GRM1: variants seen among roughly 807,000 people sequenced by gnomAD.
GRM1 encodes the protein glutamate metabotropic receptor 1.
GRM1 carries 33 observed loss-of-function variants against 90.9 expected under a neutral mutation model. That is an observed-to-expected ratio of 0.36 (90% confidence interval 0.28 to 0.49). GRM1 has a LOEUF of 0.49. GRM1 is among the 20% of genes least tolerant of loss of function. The probability of loss-of-function intolerance (pLI) is 0.99; values close to 1 mark genes in which losing one functional copy is unlikely to be tolerated. For missense variants in GRM1, 1,190 were observed against 1,534.3 expected, an observed-to-expected ratio of 0.78 and a Z score of 3.75; for synonymous variants, 700 against 613.2, an observed-to-expected ratio of 1.14 and a Z score of -2.09.
At chr6:146,424,195 G>C (rs1778112391) in intron 7 of GRM1, among the ~76,000 whole-genome samples, 1 of 152,244 alleles carries the variant, frequency 6.6e-6, no homozygotes, top group Admixed American at 6.5e-5. Context: ...TAAAGGATGT[G>C]CAAGAGGCTT....
chr6:146,395,138 T>C (rs1263655907), intron 6 of GRM1, among the ~76,000 whole-genome samples: 6 of 152,116 alleles, frequency 3.9e-5, no homozygotes, highest in African/African-American at 1.4e-4. Context: ...GACCTTTTAG[T>C]TGGTTTACTG....
chr6:146,155,374 T>G (rs1562497210), intron 1 of GRM1, among the ~76,000 whole-genome samples: 1 of 152,214 alleles, frequency 6.6e-6, no homozygotes, highest in Non-Finnish European at 1.5e-5. Flanking sequence ...GTTTGTAGCC[T>G]AGAAGCAATA....
chr6:146,324,639 A>G (rs1784336649), intron 3 of GRM1, among the ~76,000 whole-genome samples: 1 of 151,984 alleles, frequency 6.6e-6, no homozygotes, highest in Non-Finnish European at 1.5e-5. Context: ...ACCATCCCTC[A>G]GGGTACCATC....
At chr6:146,322,400 C>T (rs1297806071) in intron 3 of GRM1, among the ~76,000 whole-genome samples, 1 of 152,092 alleles carries the variant, frequency 6.6e-6, no homozygotes, top group Non-Finnish European at 1.5e-5. Flanking sequence ...GGCAGTCTGT[C>T]CCTTAGCAGA....
intron 2 of GRM1, among the ~76,000 whole-genome samples, chr6:146,238,812 G>A (rs1188541743): frequency 1.3e-5 from 2 of 151,984 alleles, no homozygotes; most frequent in Non-Finnish European, 2.9e-5. Context: ...CAGGAAATAT[G>A]CATTTAACAC....
chr6:146,114,719 A>G (rs1452102790), intron 1 of GRM1, among the ~76,000 whole-genome samples: 1 of 152,186 alleles, frequency 6.6e-6, no homozygotes, highest in Non-Finnish European at 1.5e-5. Context: ...TATTAAAATT[A>G]TAATATTAGT....
intron 2 of GRM1, among the ~76,000 whole-genome samples, chr6:146,251,736 T>A (rs1402074943): frequency 1.3e-5 from 2 of 152,224 alleles, no homozygotes; most frequent in Admixed American, 6.5e-5. Context: ...CCTTATTTAC[T>A]TCTGTCCCTT....
intron 2 of GRM1, among the ~76,000 whole-genome samples, chr6:146,165,030 TAGG>T (rs2128892835): frequency 6.6e-6 from 1 of 152,182 alleles, no homozygotes; most frequent in Non-Finnish European, 1.5e-5. Flanking sequence ...TCTCACTCAT[TAGG>T]CCAACTTTCT....
intron 7 of GRM1, among the ~76,000 whole-genome samples, chr6:146,424,189 G>A (rs58232356): frequency 0.029 from 4,358 of 152,322 alleles, 189 homozygotes; most frequent in African/African-American, 0.097. Context: ...TCTGGATAAA[G>A]GATGTGCAAG....
At chr6:146,101,423 T>A (rs1777045328) in intron 1 of GRM1, among the ~76,000 whole-genome samples, 1 of 152,204 alleles carries the variant, frequency 6.6e-6, no homozygotes, top group African/African-American at 2.4e-5. Flanking sequence ...TTGAACCCAT[T>A]ATGTACCCAT....
intron 2 of GRM1, among the ~76,000 whole-genome samples, chr6:146,271,299 C>A (rs9497518): frequency 6.6e-6 from 1 of 151,916 alleles, no homozygotes; most frequent in Non-Finnish European, 1.5e-5. Context: ...CCACTGTGCC[C>A]GGCCAGAGTT....
chr6:146,247,227 T>G (rs1167518076), intron 2 of GRM1, among the ~76,000 whole-genome samples: 2 of 152,132 alleles, frequency 1.3e-5, no homozygotes, highest in Non-Finnish European at 2.9e-5. Context: ...TCATTCTAAA[T>G]TCTCTGGGGA....
intron 2 of GRM1, among the ~76,000 whole-genome samples, chr6:146,215,464 A>C (rs1292260332): frequency 6.6e-6 from 1 of 152,088 alleles, no homozygotes; most frequent in Non-Finnish European, 1.5e-5. Flanking sequence ...CTGCCTCCCC[A>C]AAAAACTTGC....
chr6:146,062,321 C>G (rs1378571056), intron 1 of GRM1, among the ~76,000 whole-genome samples: 1 of 149,626 alleles, frequency 6.7e-6, no homozygotes, highest in East Asian at 2.0e-4. Flanking sequence ...AGGAGGGGAA[C>G]ATCACACACT....
intron 2 of GRM1, among the ~76,000 whole-genome samples, chr6:146,264,204 G>A (rs529316212): frequency 6.6e-6 from 1 of 152,134 alleles, no homozygotes; most frequent in African/African-American, 2.4e-5. Flanking sequence ...AGGACTGTAT[G>A]GTTTGGAAAT....
At chr6:146,089,400 T>C (rs1776644997) in intron 1 of GRM1, among the ~76,000 whole-genome samples, 1 of 152,072 alleles carries the variant, frequency 6.6e-6, no homozygotes, top group Non-Finnish European at 1.5e-5. Context: ...ACTGCAGCCT[T>C]ATAAGGCCCT....
At chr6:146,349,380 C>T (rs995713115) in intron 3 of GRM1, among the ~76,000 whole-genome samples, 3 of 151,970 alleles carry the variant, frequency 2.0e-5, no homozygotes, top group Admixed American at 6.6e-5. Flanking sequence ...CACGCCCGGC[C>T]GTATTAGTAT....
chr6:146,392,384 G>A (rs148354694), intron 6 of GRM1, among the ~76,000 whole-genome samples: 32 of 152,184 alleles, frequency 2.1e-4, no homozygotes, highest in African/African-American at 5.1e-4. Flanking sequence ...TGTCTTTCTC[G>A]CACCGTATTA....
rs554545742 is a variant in GRM1, at chr6:146,409,479, A to G, written c.2660+9780A>G. Among the ~76,000 whole-genome samples the G allele has an allele frequency of 1.1e-4, 16 of 152,266 alleles. No individual in the cohort carries two copies. In the East Asian group the frequency reaches 1.9e-3, roughly 18 times the overall value. On this transcript the variant is annotated intron_variant, in intron 7 of 7. Coordinates refer to ENST00000282753, the MANE Select transcript of GRM1 (RefSeq NM_001278064.2). Reference sequence around the variant, plus strand: ...CAGACCTTATCTTCACTTCTATTATATAGATTTCTGGCTATAAAATGCCTC... The same window carrying G: ...CAGACCTTATCTTCACTTCTATTATGTAGATTTCTGGCTATAAAATGCCTC...
Sources: gnomAD v4.1 joint callset for allele counts (sites outside exome capture counted in the v4.1 genomes callset) on GRCh38, gnomAD v4.1.1 for gene constraint, MANE v1.5 for transcripts, NCBI Gene and HGNC (gene_info 2026-07-23, HGNC 2026-07-21) for gene names.